The following DIAPH2 variants were observed in gnomAD, a reference collection of about 807,000 sequenced individuals.
DIAPH2 encodes protein diaphanous homolog 2.
In DIAPH2, 35 loss-of-function variants were observed where a neutral mutation model predicts 92.7. That is an observed-to-expected ratio of 0.38 (90% confidence interval 0.29 to 0.50). The LOEUF is 0.50. DIAPH2 is among the 20% of genes least tolerant of loss of function. DIAPH2 has a pLI of 0.94. For missense variants in DIAPH2, 701 were observed against 819.5 expected, an observed-to-expected ratio of 0.86 and a Z score of 1.77; for synonymous variants, 301 against 280.4, an observed-to-expected ratio of 1.07 and a Z score of -0.73.
chrX:96,949,603 G>A (rs1172426944), intron 15 of DIAPH2, among the ~76,000 whole-genome samples: 1 of 106,587 alleles, frequency 9.4e-6, no homozygotes, highest in Non-Finnish European at 1.9e-5. Context: ...CAGCACTTTG[G>A]GAGGCGGAAG....
At chrX:96,961,751 A>T (rs2065850358) in intron 16 of DIAPH2, among the ~76,000 whole-genome samples, 1 of 109,073 alleles carries the variant, frequency 9.2e-6, no homozygotes, top group African/African-American at 3.3e-5. Context: ...TACATTTTTT[A>T]ATTTTTTTCT....
intron 22 of DIAPH2, among the ~76,000 whole-genome samples, chrX:97,150,730 A>G (rs1024906166): frequency 8.9e-6 from 1 of 111,830 alleles, no homozygotes; most frequent in Non-Finnish European, 1.9e-5. Flanking sequence ...CTACAGTGTA[A>G]AGGTTTCTGT....
intron 19 of DIAPH2, among the ~76,000 whole-genome samples, chrX:97,088,769 A>G (rs780465366): frequency 8.9e-6 from 1 of 112,482 alleles, no homozygotes; most frequent in East Asian, 2.8e-4. Flanking sequence ...TCCATACAAT[A>G]TCAAATAAAT....
chrX:96,877,199 A>T (rs2065186357), intron 4 of DIAPH2, among the ~76,000 whole-genome samples: 1 of 111,332 alleles, frequency 9.0e-6, no homozygotes, highest in Admixed American at 9.6e-5. Context: ...CAAGGAACTG[A>T]TGGTGATGAA....
At chrX:97,271,760 T>C (rs1347704592) in intron 23 of DIAPH2, among the ~76,000 whole-genome samples, 5 of 108,643 alleles carry the variant, frequency 4.6e-5, no homozygotes, top group Non-Finnish European at 7.6e-5. Flanking sequence ...TTAATCCCAC[T>C]ACATTACTGT....
At chrX:97,139,450 T>G (rs906295834) in intron 21 of DIAPH2, among the ~76,000 whole-genome samples, 4 of 108,186 alleles carry the variant, frequency 3.7e-5, no homozygotes, top group African/African-American at 1.3e-4. Context: ...GTGTGTTTTT[T>G]TTTTTAAAAA....
intron 23 of DIAPH2, among the ~76,000 whole-genome samples, chrX:97,250,453 G>A (rs992704380): frequency 1.8e-5 from 2 of 111,689 alleles, no homozygotes; most frequent in African/African-American, 6.5e-5. Flanking sequence ...GCTATGTCCT[G>A]GAGCACCCTA....
At chrX:97,549,823 G>A (rs938875310) in intron 26 of DIAPH2, among the ~76,000 whole-genome samples, 5 of 111,330 alleles carry the variant, frequency 4.5e-5, no homozygotes, top group African/African-American at 1.3e-4. Flanking sequence ...AAGCAAATCC[G>A]CATTCTACAA....
chrX:96,689,081 AGCTGAAG>A (rs1212968146), intron 1 of DIAPH2, among the ~76,000 whole-genome samples: 2 of 110,091 alleles, frequency 1.8e-5, no homozygotes, highest in Admixed American at 9.9e-5. Context: ...TGACATTTGC[AGCTGAAG>A]GCTGAAGAAA....
At chrX:97,069,696 A>G (rs972181023) in intron 17 of DIAPH2, among the ~76,000 whole-genome samples, 1 of 111,991 alleles carries the variant, frequency 8.9e-6, no homozygotes, top group Non-Finnish European at 1.9e-5. Context: ...TGAAATTTTA[A>G]GATAAAGTAG....
chrX:96,868,091 G>A (rs1285747680), intron 4 of DIAPH2, among the ~76,000 whole-genome samples: 1 of 112,092 alleles, frequency 8.9e-6, no homozygotes, highest in South Asian at 3.7e-4. Flanking sequence ...CGTGCCGTAG[G>A]ATAACCCAAC....
chrX:97,021,766 C>T (rs1449813601), intron 17 of DIAPH2, among the ~76,000 whole-genome samples: 1 of 111,657 alleles, frequency 9.0e-6, no homozygotes, highest in African/African-American at 3.3e-5. Flanking sequence ...AAGAAACACG[C>T]TCTGAGGCTT....
chrX:97,356,887 ATATT>A (rs1005988324), intron 24 of DIAPH2, among the ~76,000 whole-genome samples: 7 of 111,950 alleles, frequency 6.3e-5, no homozygotes, highest in Non-Finnish European at 1.3e-4. Flanking sequence ...TTTTCTAAAA[ATATT>A]TATAAAAGTT....
In DIAPH2 at chrX:97,473,625, A is replaced by G. The variant is rs1001332413; in HGVS notation, c.3241+43880A>G. Among the ~76,000 whole-genome samples the G allele has an allele frequency of 8.9e-5, 10 of 112,029 alleles. 1 individual carries two copies. Among genetic ancestry groups the G allele is most frequent in the Admixed American group, 4.7e-4 (5 of 10,594 alleles). On this transcript the variant is annotated intron_variant, in intron 26 of 26. Transcript: ENST00000324765. ...GCTGGCATTATAGGTGTGAGCCACC[A>G]CGCCCAGCAAGAATATTTCTTATGA...
chrX:96,876,463 A>G (rs2065179420), intron 4 of DIAPH2, among the ~76,000 whole-genome samples: 1 of 112,034 alleles, frequency 8.9e-6, no homozygotes. Context: ...ATGCACATGT[A>G]TGTTTATTGT....
At chrX:96,802,484 C>G in intron 4 of DIAPH2, among the ~76,000 whole-genome samples, 1 of 112,148 alleles carries the variant, frequency 8.9e-6, no homozygotes, top group East Asian at 2.8e-4. Context: ...GAATATATCA[C>G]AATTAGCTGA....
chrX:97,566,700 G>A (rs760342545), intron 26 of DIAPH2, among the ~76,000 whole-genome samples: 1 of 111,880 alleles, frequency 8.9e-6, no homozygotes, highest in Non-Finnish European at 1.9e-5. Context: ...TCACTGGCAA[G>A]TAAAGAAATA....
intron 21 of DIAPH2, among the ~76,000 whole-genome samples, chrX:97,115,649 A>C: frequency 8.9e-6 from 1 of 112,300 alleles, no homozygotes; most frequent in Non-Finnish European, 1.9e-5. Context: ...AATAGCCAGA[A>C]ATTTATTTTT....
At chrX:96,761,265 T>G (rs1277468943) in intron 4 of DIAPH2, among the ~76,000 whole-genome samples, 2 of 110,843 alleles carry the variant, frequency 1.8e-5, no homozygotes, top group Non-Finnish European at 3.8e-5. Context: ...TATTTTGAAT[T>G]TAAATCATAA....
Sources: gnomAD v4.1 joint callset for allele counts (sites outside exome capture counted in the v4.1 genomes callset) on GRCh38, gnomAD v4.1.1 for gene constraint, MANE v1.5 for transcripts, NCBI Gene and HGNC (gene_info 2026-07-23, HGNC 2026-07-21) for gene names.